Variants in P3H4 observed in about 807,000 individuals in gnomAD.
P3H4 encodes the protein prolyl 3-hydroxylase family member 4 (inactive).
A neutral mutation model predicts 52.9 loss-of-function variants in P3H4; 47 were observed. The ratio of observed to expected loss-of-function variants is 0.89; its 90% CI spans 0.70 to 1.13. The LOEUF (loss-of-function observed/expected upper bound fraction) is 1.13, where lower values mean the gene tolerates loss of function less well. Ranked by LOEUF, P3H4 falls within the 50% of genes most tolerant of loss-of-function variation. The pLI, the probability that P3H4 is intolerant of heterozygous loss-of-function variation, is 0.00. For synonymous variants in P3H4, 256 were observed against 267.9 expected (o/e 0.96, Z 0.44); for missense variants, 585 against 611.0 (o/e 0.96, Z 0.45).
At chr17:41,804,231 G>T (rs1192151524) in intron 6 of P3H4, among the ~76,000 whole-genome samples, 1 of 151,852 alleles carries the variant, frequency 6.6e-6, no homozygotes, top group African/African-American at 2.4e-5. Flanking sequence ...GATTACAGGT[G>T]TGAGCCACCG....
At chr17:41,804,082 G>T (rs11658356) in intron 6 of P3H4, among the ~76,000 whole-genome samples, 50 of 151,880 alleles carry the variant, frequency 3.3e-4, no homozygotes, top group Non-Finnish European at 6.5e-4. Flanking sequence ...CTCCCCAGCA[G>T]CTGGGAATAT....
Position 41,810,986 on chromosome 17 carries a change from T to C in P3H4, c.664A>G (p.Ser222Gly), listed in dbSNP as rs934664359. Residue 222 changes from serine to glycine, a missense_variant, in exon 3 of 8, where the codon AGC (serine) becomes GGC (glycine). Coordinates refer to ENST00000393928, the MANE Select transcript of P3H4 (RefSeq NM_006455.3). The part of the protein sequence containing the change: ...VKLYNSGDFR[S>G]STEDMERALS... The stretch of plus-strand genomic sequence containing the variant: ...GCCCGCTCCATGTCCTCCGTGCTGC[T>C]GCGGAAATCCCCGCTGTTGTAGAGC... The C allele has an allele frequency of 6.2e-7, 1 of 1,614,156 alleles. No homozygotes were observed. Among genetic ancestry groups the C allele is most frequent in the Non-Finnish European group, 8.5e-7 (1 of 1,180,022 alleles).
chr17:41,804,647 A>G (rs2047654598), intron 6 of P3H4, among the ~76,000 whole-genome samples: 1 of 151,508 alleles, frequency 6.6e-6, no homozygotes, highest in Non-Finnish European at 1.5e-5. Flanking sequence ...TGCACCTACC[A>G]GGTACTGGCT....
In P3H4 at chr17:41,809,717, G is replaced by A. The variant is rs782120875; in HGVS notation, c.905C>T (p.Ala302Val). 2 of 1,613,182 alleles carry A rather than the reference G, an allele frequency of 1.2e-6. No individual in the cohort carries two copies. The highest frequency in any genetic ancestry group is 1.7e-6 in the Non-Finnish European group (2 of 1,179,824). ...CCCAGGGGGCTCACACTTATAGTAG[G>A]CAAACTGCAGGTAGTGGTACATGGT... ...VATMYHYLQF[A>V]YYKLNDVRQA... The change falls in exon 4 of 8, where the codon GCC (alanine) becomes GTC (valine). Residue 302 changes from alanine (A) to valine (V), a missense_variant. Coordinates refer to ENST00000393928, the MANE Select transcript of P3H4 (RefSeq NM_006455.3).
Position 41,810,904 on chromosome 17 carries a change from T to C in P3H4, c.746A>G (p.His249Arg), listed in dbSNP as rs1025922741. 1.2e-6 allele frequency: 2 copies of C among 1,614,128 alleles called. No individual in the cohort carries two copies. The highest frequency in any genetic ancestry group is 1.3e-5 in the African/African-American group (1 of 75,060). Residue 249 changes from histidine (H) to arginine (R), a missense_variant, in exon 3 of 8, where the codon CAT becomes CGT. Coordinates refer to ENST00000393928, the MANE Select transcript of P3H4 (RefSeq NM_006455.3). ...ARCLAGCEGA[H>R]EQVDFKDFYP... Reference sequence around the variant, plus strand: ...GAAGTCCTTGAAGTCCACCTGCTCATGGGCCCCTTCACAGCCGGCCAGGCA... The same window carrying C: ...GAAGTCCTTGAAGTCCACCTGCTCACGGGCCCCTTCACAGCCGGCCAGGCA...
chr17:41,806,528 C>T (rs2047675851), intron 6 of P3H4, among the ~76,000 whole-genome samples: 1 of 152,178 alleles, frequency 6.6e-6, no homozygotes, highest in African/African-American at 2.4e-5. Flanking sequence ...GAACAAAGAG[C>T]CAGGGCATGC....
rs782092372 is a variant in P3H4 at position 41,810,949 on chromosome 17, T to C, written c.701A>G (p.Tyr234Cys). The change falls in exon 3 of 8, where the codon TAC becomes TGC. Residue 234 changes from tyrosine (Y) to cysteine (C), a missense_variant. Coordinates refer to ENST00000393928, the MANE Select transcript of P3H4 (RefSeq NM_006455.3). Reference sequence around the variant, plus strand: ...CAGGCACCGGGCAAAGACTGCCAGGTACTCTGACAAGGCCCGCTCCATGTC... The same window carrying C: ...CAGGCACCGGGCAAAGACTGCCAGGCACTCTGACAAGGCCCGCTCCATGTC... ...TEDMERALSE[Y>C]LAVFARCLAG... is the part of the protein sequence containing the mutation. 1.9e-6 allele frequency: 3 copies of C among 1,614,180 alleles called. No individual in the cohort carries two copies. The highest frequency in any genetic ancestry group is 2.5e-6 in the Non-Finnish European group (3 of 1,180,036).
chr17:41,810,821 G>A (rs782367864), intron 3 of P3H4, 42 bp downstream of exon 3: 2 of 1,582,688 alleles, frequency 1.3e-6, no homozygotes, highest in East Asian at 2.3e-5. Context: ...ACCGGGCCCT[G>A]TGGGTGAGAG....
Position 41,811,434 on chromosome 17 carries a change from G to A in P3H4, c.462+20C>T, listed in dbSNP as rs782684117. ...GACGCCCAGCCCGAGACAGGTCCCC[G>A]GGTGGGGGCGGGCTCCCACCTTGAA... is the stretch of plus-strand genomic sequence containing the variant. On this transcript the variant is annotated intron_variant, in intron 1 of 7. Coordinates refer to ENST00000393928, the MANE Select transcript of P3H4 (RefSeq NM_006455.3). This position sits in a 1 kb window ranked among gnomAD's most constrained non-coding sequence, Gnocchi z 4.8. The A allele has an allele frequency of 6.2e-6, 10 of 1,610,224 alleles. No individual in the cohort carries two copies. Among genetic ancestry groups the A allele is most frequent in the Admixed American group, 5.0e-5 (3 of 59,898 alleles).
At chr17:41,810,739 G>T in intron 3 of P3H4, 124 bp downstream of exon 3, 1 of 1,251,530 alleles carries the variant, frequency 8.0e-7, no homozygotes, top group Non-Finnish European at 1.1e-6. Context: ...TTTCTCAACA[G>T]ACAAGGCCTT....
chr17:41,802,558 TG>T lies in P3H4; in HGVS notation c.*398del. ...CGTGAGCCACCGTGCCGGCCCGTCT[TG>T]TTTTTTTTTAAAGATGGAGTCTCGC... On this transcript the variant is annotated 3_prime_UTR_variant, in exon 8 of 8. Coordinates refer to ENST00000393928, the MANE Select transcript of P3H4 (RefSeq NM_006455.3). 4.7e-6 allele frequency: 1 copy of T among 212,310 alleles called. No homozygotes were observed. 13.2% of individuals were successfully genotyped at this position (212,310 alleles called of 1,614,324 possible). A position where few individuals can be genotyped will look rare whatever the true frequency, so the allele number is the denominator to read the frequency against.
chr17:41,811,191 G>C lies in P3H4; in HGVS notation c.556C>G (p.Gln186Glu), dbSNP rs568200236. The change falls in exon 2 of 8, where the codon CAG becomes GAG. Residue 186 changes from glutamine (Q) to glutamate (E), a missense_variant. Transcript: ENST00000393928. This position sits in a 1 kb window ranked among gnomAD's most constrained non-coding sequence, Gnocchi z 4.8. The part of the protein sequence containing the change: ...ELTAKYLNYY[Q>E]GMLDVADESL... ...TCGTCGGCGACGTCCAGCATCCCCT[G>C]ATAGTAGTTGAGATACTTGGCGGTC... 2.5e-6 allele frequency: 4 copies of C among 1,614,176 alleles called. No individual in the cohort carries two copies. Among genetic ancestry groups the C allele is most frequent in the Admixed American group, 3.3e-5 (2 of 60,020 alleles).
In P3H4 at chr17:41,803,324, C is replaced by A. The variant is rs782470639; in HGVS notation, c.1254G>T (p.Trp418Cys). The A allele has an allele frequency of 5.0e-6, 8 of 1,613,930 alleles. No homozygotes were observed. The highest frequency in any genetic ancestry group is 5.9e-6 in the Non-Finnish European group (7 of 1,179,982). The change falls in exon 7 of 8, where the codon TGG becomes TGT. Residue 418 changes from tryptophan to cysteine, a missense_variant. Trp to Cys is a radical substitution (Grantham distance 215). Transcript: ENST00000393928. ...CGTCACCCTTGGCATCCGGCTCCTG[C>A]CACCAGTCAGCATACATGCCCTCCT... is the stretch of plus-strand genomic sequence containing the variant. ...DYEEGMYADW[W>C]QEPDAKGDEA...
At chr17:41,805,232 T>C (rs1213940129) in intron 6 of P3H4, among the ~76,000 whole-genome samples, 1 of 151,152 alleles carries the variant, frequency 6.6e-6, no homozygotes, top group African/African-American at 2.4e-5. Context: ...GAGCTTGCAG[T>C]GAGCTGAGAT....
At chr17:41,810,802 A>T in intron 3 of P3H4, 61 bp downstream of exon 3, 3 of 1,555,094 alleles carry the variant, frequency 1.9e-6, no homozygotes, top group Non-Finnish European at 2.6e-6. Flanking sequence ...TGAAGGGGAC[A>T]TCTGCCTTAC....
At position 41,811,067 on chromosome 17, in the gene P3H4, C is replaced by T. The variant is rs1247653303; in HGVS notation, c.616-33G>A. On this transcript the variant is annotated intron_variant, in intron 2 of 7. Coordinates refer to ENST00000393928, the MANE Select transcript of P3H4 (RefSeq NM_006455.3). This position sits in a 1 kb window ranked among gnomAD's most constrained non-coding sequence, Gnocchi z 4.8. ...GGGCGTGGCAGGGGGAGTCAGGGCG[C>T]CCCCAACATCTCCCCTCCTCTACTA... 2.5e-6 allele frequency: 4 copies of T among 1,607,506 alleles called. No individual in the cohort carries two copies. Among genetic ancestry groups the T allele is most frequent in the Admixed American group, 3.3e-5 (2 of 59,820 alleles).
At position 41,802,937 on chromosome 17, in the gene P3H4, C is replaced by T. The variant is rs1065029; in HGVS notation, c.*20G>A. ...CGGCACCAGGCTTCCCAAGCTTGAGCGGTGTGGGGTGTCCCCTTCTCATGC... is the reference window on the plus strand; with the variant it reads ...CGGCACCAGGCTTCCCAAGCTTGAGTGGTGTGGGGTGTCCCCTTCTCATGC... On this transcript the variant is annotated 3_prime_UTR_variant, in exon 8 of 8. Coordinates refer to ENST00000393928, the MANE Select transcript of P3H4 (RefSeq NM_006455.3). The T allele has an allele frequency of 6.2e-7, 1 of 1,610,516 alleles. No individual in the cohort carries two copies. Among genetic ancestry groups the T allele is most frequent in the Non-Finnish European group, 8.5e-7 (1 of 1,178,692 alleles).
intron 3 of P3H4, among the ~76,000 whole-genome samples, chr17:41,810,168 TC>T (rs1426397273): frequency 7.6e-5 from 11 of 143,938 alleles, no homozygotes; most frequent in Non-Finnish European, 1.1e-4. Context: ...TAAAGGACAG[TC>T]TTTTTTTTTT....
chr17:41,805,948 C>T lies in P3H4; in HGVS notation c.1146+848G>A, dbSNP rs781913563. Among the ~76,000 whole-genome samples, 34 of 152,212 alleles carry T rather than the reference C, an allele frequency of 2.2e-4. 1 individual carries two copies. Among genetic ancestry groups the T allele is most frequent in the African/African-American group, 6.3e-4 (26 of 41,518 alleles). On this transcript the variant is annotated intron_variant, in intron 6 of 7. Coordinates refer to ENST00000393928, the MANE Select transcript of P3H4 (RefSeq NM_006455.3). ...AAATCAATGTTAATAGGGCCGGGTG[C>T]GGCTGCTCACGCCTGTAATCCCAGC...
Sources: allele counts gnomAD v4.1 joint callset (sites outside exome capture counted in the v4.1 genomes callset), GRCh38; gene constraint gnomAD v4.1.1; non-coding constraint Gnocchi (gnomAD v3.1); transcripts MANE v1.5; gene names NCBI Gene and HGNC (gene_info 2026-07-23, HGNC 2026-07-21).